The following POFUT1 variants were observed in gnomAD, a reference collection of about 807,000 sequenced individuals.
POFUT1 encodes GDP-fucose protein O-fucosyltransferase 1.
In POFUT1, 16 loss-of-function variants were observed where a neutral mutation model predicts 42.4. The observed-to-expected ratio is 0.38, with a 90% CI of 0.26 to 0.57. The LOEUF is 0.57. Ranked by LOEUF, POFUT1 falls within the 20% of genes least tolerant of loss-of-function variation. The pLI is 0.71. For missense variants in POFUT1, 470 were observed against 504.6 expected (o/e 0.93, Z 0.66); for synonymous variants, 206 against 205.4 (o/e 1.00, Z -0.03).
Position 32,228,442 on chromosome 20 carries a change from T to C in POFUT1, c.722T>C (p.Ile241Thr), listed in dbSNP as rs1359606831. ...CCCTATGTGGGCATTCATCTGCGCA[T>C]TGGCTCTGACTGGGTAACTTCCCCC... Reference protein sequence around the residue: ...VRPYVGIHLRIGSDWKNACAM... With the variant: ...VRPYVGIHLRTGSDWKNACAM... Residue 241 changes from isoleucine to threonine, a missense_variant, in exon 5 of 7, where the codon ATT becomes ACT. Coordinates refer to ENST00000375749, the MANE Select transcript of POFUT1 (RefSeq NM_015352.2). 1.9e-6 allele frequency: 3 copies of C among 1,613,906 alleles called. No individual in the cohort carries two copies. In the African/African-American group the frequency reaches 4.0e-5, roughly 22 times the overall value.
In POFUT1 at chr20:32,236,127, C is replaced by T. The variant is rs1444600794; in HGVS notation, c.*1466C>T. 3 of 152,248 alleles carry T rather than the reference C, an allele frequency of 2.0e-5. No individual in the cohort carries two copies. Among genetic ancestry groups the T allele is most frequent in the Non-Finnish European group, 4.4e-5 (3 of 68,066 alleles). The allele number at this position is 152,248 out of a possible 1,614,324, so 9.4% of individuals were successfully genotyped here. A position where few individuals can be genotyped will look rare whatever the true frequency, so the allele number is the denominator to read the frequency against. ...GGAAAACAATGAAGTGTTTTAAGTC[C>T]TGGGTGGACTGAGAGATGGTTTGCC... On this transcript the variant is annotated 3_prime_UTR_variant, in exon 7 of 7. Transcript: ENST00000375749.
intron 3 of POFUT1, 137 bp from the exon 4 acceptor site, chr20:32,216,472 T>A: frequency 1.6e-6 from 1 of 627,194 alleles, no homozygotes; most frequent in South Asian, 1.9e-5. Context: ...CAGAGTGACA[T>A]TTCTCCTAGG....
Position 32,219,861 on chromosome 20 carries a change from T to C in POFUT1, c.542+3140T>C, listed in dbSNP as rs567035333. ...AACTGGGCTTAGCTGGGCAATTCTT[T>C]TGGGTTTTCATTTTTCCGTTTTCTT... On this transcript the variant is annotated intron_variant, in intron 4 of 6. Transcript: ENST00000375749. Among the ~76,000 whole-genome samples the C allele has an allele frequency of 2.6e-5, 4 of 152,330 alleles. No individual in the cohort carries two copies. The South Asian group carries it at 8.3e-4, about 32-fold the overall frequency.
rs2047305661 is a variant in POFUT1 at position 32,208,328 on chromosome 20, A to AT, written c.124+263_124+264insT. 5.9e-5 allele frequency among the ~76,000 whole-genome samples: 9 copies of AT among 152,286 alleles called. No homozygotes were observed. The East Asian group carries it at 1.5e-3, about 26-fold the overall frequency. On this transcript the variant is annotated intron_variant, in intron 1 of 6. Transcript: ENST00000375749. Reference sequence around the variant, plus strand: ...GGTCTAAGCCAGTCCAGGGTCCAGTAAATGGAGTTAGTGGGGCAGGACTTG... The same window carrying AT: ...GGTCTAAGCCAGTCCAGGGTCCAGTATAATGGAGTTAGTGGGGCAGGACTTG...
In POFUT1 at chr20:32,216,360, C is replaced by T. The variant is rs369877400; in HGVS notation, c.430-249C>T. ...GCTTCTCCCCAGACCCTCATCAGTGCTGCTGGGTCAGCAGGATGTGACATG... is the reference window on the plus strand; with the variant it reads ...GCTTCTCCCCAGACCCTCATCAGTGTTGCTGGGTCAGCAGGATGTGACATG... On this transcript the variant is annotated intron_variant, in intron 3 of 6. Coordinates refer to ENST00000375749, the MANE Select transcript of POFUT1 (RefSeq NM_015352.2). Among the ~76,000 whole-genome samples, 26 of 152,330 alleles carry T rather than the reference C, an allele frequency of 1.7e-4. No individual in the cohort carries two copies. In the East Asian group the frequency reaches 2.7e-3, roughly 16 times the overall value.
chr20:32,223,858 T>A (rs1258511290), intron 4 of POFUT1: 2 of 209,868 alleles, frequency 9.5e-6, no homozygotes, highest in Non-Finnish European at 1.7e-5. Flanking sequence ...GAACATAGGA[T>A]CTGGAGCACA....
chr20:32,230,886 T>G lies in POFUT1; in HGVS notation c.803T>G (p.Val268Gly). 3 of 1,614,178 alleles carry G rather than the reference T, an allele frequency of 1.9e-6. No homozygotes were observed. The highest frequency in any genetic ancestry group is 2.5e-6 in the Non-Finnish European group (3 of 1,180,020). Residue 268 changes from valine to glycine, a missense_variant, in exon 6 of 7, where the codon GTG becomes GGG. By Grantham distance (109) the Val-to-Gly change is moderately radical. Transcript: ENST00000375749. Reference sequence around the variant, plus strand: ...CACTTCATGGCCTCTCCGCAGTGTGTGGGCTACAGCCGCAGCACAGCGGCC... The same window carrying G: ...CACTTCATGGCCTCTCCGCAGTGTGGGGGCTACAGCCGCAGCACAGCGGCC... ...GSHFMASPQC[V>G]GYSRSTAAPL...
At chr20:32,226,039 C>T (rs2047413209) in intron 4 of POFUT1, among the ~76,000 whole-genome samples, 1 of 152,164 alleles carries the variant, frequency 6.6e-6, no homozygotes, top group South Asian at 2.1e-4. Flanking sequence ...TGCAATCATA[C>T]ATTAAAACAC....
chr20:32,231,599 G>A (rs1294944585), intron 6 of POFUT1, among the ~76,000 whole-genome samples: 2 of 152,168 alleles, frequency 1.3e-5, no homozygotes, highest in East Asian at 3.8e-4. Flanking sequence ...CAGAGACTCT[G>A]GAGTCAGAGA....
intron 4 of POFUT1, among the ~76,000 whole-genome samples, chr20:32,226,452 C>CTGTGTGTGTGTG (rs33999719): frequency 4.7e-5 from 7 of 147,732 alleles, no homozygotes; most frequent in Admixed American, 4.1e-4. Context: ...GAGTGCATGC[C>CTGTGTGTGTGTG]TGTGTGTGTG....
chr20:32,223,288 GT>G (rs982706622), intron 4 of POFUT1: 1 of 985,314 alleles, frequency 1.0e-6, no homozygotes, highest in African/African-American at 1.7e-5. Flanking sequence ...CAAGATCCCT[GT>G]TCCCCCCTCA....
At chr20:32,208,778 T>C (rs544437933) in intron 1 of POFUT1, among the ~76,000 whole-genome samples, 65 of 152,068 alleles carry the variant, frequency 4.3e-4, no homozygotes, top group African/African-American at 1.5e-3. Context: ...GAGGCTGCAG[T>C]GAGCTCTGAT....
intron 4 of POFUT1, chr20:32,223,106 A>T (rs1384072976): frequency 3.0e-6 from 3 of 985,282 alleles, no homozygotes; most frequent in Non-Finnish European, 3.6e-6. Flanking sequence ...GAGAAGTCCT[A>T]GTTTGTTGGA....
At chr20:32,219,900 T>C (rs1399357687) in intron 4 of POFUT1, among the ~76,000 whole-genome samples, 1 of 152,262 alleles carries the variant, frequency 6.6e-6, no homozygotes, top group Non-Finnish European at 1.5e-5. Flanking sequence ...GAATCCCTGC[T>C]GTACAAAGTT....
rs1201190515 is a variant in POFUT1, at chr20:32,236,651, C to G, written c.*1990C>G. ...TGGTGATAAAAACCGACAGGTTGTT[C>G]AAAGGCCCAGATCAGCTAAAGCATG... On this transcript the variant is annotated 3_prime_UTR_variant, in exon 7 of 7. Transcript: ENST00000375749. 1 of 152,206 alleles carries G rather than the reference C, an allele frequency of 6.6e-6. No individual in the cohort carries two copies. The highest frequency in any genetic ancestry group is 1.5e-5 in the Non-Finnish European group (1 of 68,044). 9.4% of individuals were successfully genotyped at this position (152,206 alleles called of 1,614,324 possible).
intron 3 of POFUT1, 92 bp downstream of exon 3, chr20:32,215,543 C>T: frequency 9.2e-7 from 1 of 1,089,894 alleles, no homozygotes; most frequent in Non-Finnish European, 1.3e-6. Context: ...GGAAAAGCAC[C>T]AGAAGGACTT....
At chr20:32,222,901 C>T in intron 4 of POFUT1, 1 of 985,412 alleles carries the variant, frequency 1.0e-6, no homozygotes, top group Non-Finnish European at 1.2e-6. Context: ...CCTGTGGGAA[C>T]CAGAATGAGA....
At chr20:32,213,555 G>A (rs1421739954) in intron 2 of POFUT1, among the ~76,000 whole-genome samples, 1 of 151,722 alleles carries the variant, frequency 6.6e-6, no homozygotes, top group African/African-American at 2.4e-5. Flanking sequence ...GACAGATCAC[G>A]AGGTCAGGAG....
rs199621681 is a variant in POFUT1, at chr20:32,207,936, G to A, written c.-6G>A. 895 of 1,583,050 alleles carry A rather than the reference G, an allele frequency of 5.7e-4. No homozygotes were observed. Among genetic ancestry groups the A allele is most frequent in the Non-Finnish European group, 7.4e-4 (863 of 1,173,240 alleles). ...CGCCGCGGCTGGCTCGGGTTCCCGG[G>A]CCGACATGGGCGCCGCCGCGTGGGC... On this transcript the variant is annotated 5_prime_UTR_variant, in exon 1 of 7. Coordinates refer to ENST00000375749, the MANE Select transcript of POFUT1 (RefSeq NM_015352.2).
Sources: gnomAD v4.1 joint callset for allele counts (sites outside exome capture counted in the v4.1 genomes callset) on GRCh38, gnomAD v4.1.1 for gene constraint, MANE v1.5 for transcripts, NCBI Gene and HGNC (gene_info 2026-07-23, HGNC 2026-07-21) for gene names.